PPP2R5C: variants seen among roughly 807,000 people sequenced by gnomAD.
PPP2R5C encodes serine/threonine-protein phosphatase 2A 56 kDa regulatory subunit gamma isoform.
Under a neutral mutation model 68.9 loss-of-function variants are expected in PPP2R5C, and 7 were observed. The ratio of observed to expected loss-of-function variants is 0.10; its 90% confidence interval spans 0.06 to 0.19. The LOEUF (loss-of-function observed/expected upper bound fraction) is 0.19, where lower values mean the gene tolerates loss of function less well. Among genes scored for constraint, PPP2R5C ranks in the 10% least tolerant of loss-of-function variants. The pLI is 1.00. For synonymous variants in PPP2R5C, 210 were observed against 222.2 expected (o/e 0.95, Z 0.49); for missense variants, 348 against 641.3 (o/e 0.54, Z 4.94).
In PPP2R5C at chr14:101,916,678, C is replaced by G. The variant is rs941634; in HGVS notation, c.1327-1153C>G. 0.2 allele frequency among the ~76,000 whole-genome samples: 25,705 copies of G among 129,222 alleles called. 3,136 individuals carry two copies. Among genetic ancestry groups the G allele is most frequent in the African/African-American group, 0.38 (13,776 of 36,152 alleles). 84.8% of individuals were successfully genotyped at this position (129,222 alleles called of 152,430 possible). On this transcript the variant is annotated intron_variant, in intron 12 of 13. Coordinates refer to ENST00000334743, the Ensembl canonical transcript of PPP2R5C. This position sits in a 1 kb window ranked among gnomAD's most constrained non-coding sequence, Gnocchi z 5.5. ...GACGGTGGCTGAGAACGGAGCTGCT[C>G]TGGGCTGGCAGGGTGTGAGGGGCAG...
At chr14:101,787,573 C>T (rs889172855) in intron 3 of PPP2R5C, among the ~76,000 whole-genome samples, 5 of 146,770 alleles carry the variant, frequency 3.4e-5, no homozygotes, top group African/African-American at 5.2e-5. Flanking sequence ...ACCATCCTGG[C>T]TAACATGGTG....
rs1283052256 is a variant in PPP2R5C at position 101,890,220 on chromosome 14, A to G, written c.630-17A>G. The G allele has an allele frequency of 6.2e-7, 1 of 1,605,496 alleles. No homozygotes were observed. Among genetic ancestry groups the G allele is most frequent in the Non-Finnish European group, 8.5e-7 (1 of 1,172,816 alleles). On this transcript the variant is annotated splice_polypyrimidine_tract_variant and intron_variant, in intron 5 of 13. Transcript: ENST00000334743. ...TAGTTCAGTGTCTAATTCTAATGGGAAAATTGTTTTTTCTAGGTTTATTTA... is the reference window on the plus strand; with the variant it reads ...TAGTTCAGTGTCTAATTCTAATGGGGAAATTGTTTTTTCTAGGTTTATTTA...
rs2720216 is a variant in PPP2R5C, at chr14:101,891,608, G to A, written c.689+1312G>A. 0.18 allele frequency among the ~76,000 whole-genome samples: 28,092 copies of A among 151,934 alleles called. 2,823 individuals are homozygous for A. Among genetic ancestry groups the A allele is most frequent in the East Asian group, 0.27 (1,367 of 5,134 alleles). On this transcript the variant is annotated intron_variant, in intron 6 of 13. Coordinates refer to ENST00000334743, the Ensembl canonical transcript of PPP2R5C. The surrounding 1 kb of genome is among the most constrained non-coding windows in gnomAD (Gnocchi z 4.9). ...GCCATGCCGTGTGCGTAGGGCCCCC[G>A]TGTGCATAGGGCCGCCGGGCAGCTC...
Position 101,915,186 on chromosome 14 carries a change from C to T in PPP2R5C, c.1327-2645C>T, listed in dbSNP as rs1306013111. Among the ~76,000 whole-genome samples, 3 of 152,152 alleles carry T rather than the reference C, an allele frequency of 2.0e-5. No individual in the cohort carries two copies. The highest frequency in any genetic ancestry group is 4.4e-5 in the Non-Finnish European group (3 of 68,026). ...CCGCCTCCCAGGTTCAAGCAGTCCT[C>T]CGGAGTGCCTCAGCCTCCCAAGTAT... On this transcript the variant is annotated intron_variant, in intron 12 of 13. Coordinates refer to ENST00000334743, the Ensembl canonical transcript of PPP2R5C. This position sits in a 1 kb window ranked among gnomAD's most constrained non-coding sequence, Gnocchi z 4.2.
intron 2 of PPP2R5C, among the ~76,000 whole-genome samples, chr14:101,878,230 A>T (rs1595449331): frequency 6.6e-6 from 1 of 152,218 alleles, no homozygotes; most frequent in Non-Finnish European, 1.5e-5. Context: ...CTGAGGACCC[A>T]TCTCCAAATC....
In PPP2R5C at chr14:101,871,228, T is replaced by TTTGTTG. The variant is rs1555395078; in HGVS notation, c.295-10909_295-10904dup. ...GTCTTGGTTTTTTTTTGTTTTGGTT[T>TTTGTTG]TTGTTGTTGTTGTTGTTGTTGTTGT... On this transcript the variant is annotated intron_variant, in intron 2 of 13. Transcript: ENST00000334743. Among the ~76,000 whole-genome samples the TTTGTTG allele has an allele frequency of 4.3e-4, 51 of 117,568 alleles. 1 individual carries two copies. Among genetic ancestry groups the TTTGTTG allele is most frequent in the Non-Finnish European group, 2.6e-4 (15 of 57,566 alleles). The allele number at this position is 117,568 out of a possible 152,430, so 77.1% of individuals were successfully genotyped here. A position where few individuals can be genotyped will look rare whatever the true frequency, so the allele number is the denominator to read the frequency against.
chr14:101,900,891 A>G (rs938683269), intron 8 of PPP2R5C, among the ~76,000 whole-genome samples: 3 of 152,228 alleles, frequency 2.0e-5, no homozygotes, highest in African/African-American at 7.2e-5. Context: ...CAGCCTGCTC[A>G]CCGCAGGCCC....
At chr14:101,792,634 G>T (rs2038411339) in intron 3 of PPP2R5C, among the ~76,000 whole-genome samples, 1 of 152,182 alleles carries the variant, frequency 6.6e-6, no homozygotes, top group Non-Finnish European at 1.5e-5. Flanking sequence ...TAATATCATT[G>T]TGGACTAATA....
chr14:101,842,757 C>CTTTTT (rs60913362), intron 1 of PPP2R5C, among the ~76,000 whole-genome samples: 1 of 137,874 alleles, frequency 7.3e-6, no homozygotes, highest in African/African-American at 2.7e-5. Context: ...TGTCTTTTTT[C>CTTTTT]TTTTTTTTTT....
At chr14:101,911,289 G>T (rs1595538603) in intron 11 of PPP2R5C, among the ~76,000 whole-genome samples, 1 of 152,030 alleles carries the variant, frequency 6.6e-6, no homozygotes, top group Non-Finnish European at 1.5e-5. Flanking sequence ...AAAAATCCTT[G>T]CCCTTTTGGG....
At chr14:101,925,252 GCCT>G in exon 14 of PPP2R5C, 1 of 1,613,314 alleles carries the variant, frequency 6.2e-7, no homozygotes. Flanking sequence ...CGATGAGCTG[GCCT>G]CCCAGGACGG....
chr14:101,824,286 GGA>G (rs2040266245), intron 1 of PPP2R5C: 7 of 902,134 alleles, frequency 7.8e-6, no homozygotes, highest in South Asian at 1.8e-5. Flanking sequence ...TTGCGGGGTA[GGA>G]GAGAGAGGTA....
In PPP2R5C at chr14:101,882,314, C is replaced by A; in HGVS notation, c.405+43C>A. 1.4e-6 allele frequency: 2 copies of A among 1,478,106 alleles called. No homozygotes were observed. The highest frequency in any genetic ancestry group is 1.9e-6 in the Non-Finnish European group (2 of 1,073,860). 91.6% of individuals were successfully genotyped at this position (1,478,106 alleles called of 1,614,324 possible). A position where few individuals can be genotyped will look rare whatever the true frequency, so the allele number is the denominator to read the frequency against. On this transcript the variant is annotated intron_variant, in intron 3 of 13. Transcript: ENST00000334743. The surrounding 1 kb of genome is among the most constrained non-coding windows in gnomAD (Gnocchi z 4.9). Reference sequence around the variant, plus strand: ...ATAGACTCGGAGGGCACTGGTGACACATGGGAATGGCCTGGGATCCACAGA... The same window carrying A: ...ATAGACTCGGAGGGCACTGGTGACAAATGGGAATGGCCTGGGATCCACAGA...
intron 1 of PPP2R5C, among the ~76,000 whole-genome samples, chr14:101,831,131 CCTCA>C (rs1454490068): frequency 6.6e-6 from 1 of 152,104 alleles, no homozygotes; most frequent in Non-Finnish European, 1.5e-5. Flanking sequence ...CAGAAGGGCA[CCTCA>C]CTCCACACCT....
At chr14:101,855,161 C>T (rs2042350495) in intron 1 of PPP2R5C, among the ~76,000 whole-genome samples, 3 of 152,220 alleles carry the variant, frequency 2.0e-5, no homozygotes, top group Non-Finnish European at 4.4e-5. Context: ...CAGAGTGAGA[C>T]TCTGTCTCTA....
intron 13 of PPP2R5C, 106 bp downstream of exon 15, chr14:101,918,053 A>G: frequency 6.8e-7 from 1 of 1,480,530 alleles, no homozygotes; most frequent in Non-Finnish European, 9.1e-7. Context: ...TTTAAGCTGA[A>G]ATTAAAACTT....
intron 13 of PPP2R5C, among the ~76,000 whole-genome samples, chr14:101,919,497 G>C (rs2046892238): frequency 6.6e-6 from 1 of 151,930 alleles, no homozygotes; most frequent in African/African-American, 2.4e-5. Flanking sequence ...GGAATTTAAG[G>C]TTGCCTTTTT....
chr14:101,907,315 C>T (rs545776417), intron 10 of PPP2R5C, among the ~76,000 whole-genome samples: 1 of 151,940 alleles, frequency 6.6e-6, no homozygotes, highest in African/African-American at 2.4e-5. Context: ...GGACTACAGG[C>T]ACCCACCGCT....
chr14:101,869,812 C>T (rs2043280056), intron 2 of PPP2R5C, among the ~76,000 whole-genome samples: 2 of 151,910 alleles, frequency 1.3e-5, no homozygotes, highest in African/African-American at 4.8e-5. Context: ...CCATCACACC[C>T]ACCTCATTTT....
Sources: allele counts gnomAD v4.1 joint callset (sites outside exome capture counted in the v4.1 genomes callset), GRCh38; gene constraint gnomAD v4.1.1; non-coding constraint Gnocchi (gnomAD v3.1); transcripts MANE v1.5; gene names NCBI Gene and HGNC (gene_info 2026-07-23, HGNC 2026-07-21).